The following FRMD6 variants were observed in gnomAD, a reference collection of about 807,000 sequenced individuals.
The protein encoded by FRMD6 is FERM domain-containing protein 6.
FRMD6 carries 37 observed loss-of-function variants against 73.2 expected under a neutral mutation model. That is an observed-to-expected ratio of 0.51 (90% CI 0.39 to 0.66). The LOEUF (loss-of-function observed/expected upper bound fraction) is 0.66, where lower values mean the gene tolerates loss of function less well. Ranked by LOEUF, FRMD6 falls within the 30% of genes least tolerant of loss-of-function variation. The probability of loss-of-function intolerance (pLI) is 0.00; values close to 1 mark genes in which losing one functional copy is unlikely to be tolerated. For missense variants in FRMD6, 714 were observed against 780.5 expected, an observed-to-expected ratio of 0.91 and a Z score of 1.02; for synonymous variants, 273 against 282.2, an observed-to-expected ratio of 0.97 and a Z score of 0.33.
At chr14:51,503,589 GC>G (rs1283785505) in intron 1 of FRMD6, among the ~76,000 whole-genome samples, 1 of 152,060 alleles carries the variant, frequency 6.6e-6, no homozygotes, top group African/African-American at 2.4e-5. Context: ...TGGTGGATAA[GC>G]TTTTTAACAT....
intron 4 of FRMD6, among the ~76,000 whole-genome samples, 156 bp from the exon 5 acceptor site, chr14:51,702,356 C>T (rs1197093381): frequency 2.0e-5 from 3 of 152,010 alleles, no homozygotes; most frequent in Non-Finnish European, 4.4e-5. Flanking sequence ...TATAGGACAA[C>T]TGTCTACCTA....
rs72675819 is a variant in FRMD6 at position 51,668,640 on chromosome 14, G to A, written c.-147+16644G>A. Among the ~76,000 whole-genome samples, 995 of 150,538 alleles carry A rather than the reference G, an allele frequency of 6.6e-3. 5 individuals are homozygous for A. The highest frequency in any genetic ancestry group is 9.6e-3 in the Non-Finnish European group (652 of 67,614). The stretch of plus-strand genomic sequence containing the variant: ...GTAATCTTAAAATTAGAATGCAGGA[G>A]GCTGTGAAGCTCGAATGAAATAATG... On this transcript the variant is annotated intron_variant, in intron 1 of 13. Coordinates refer to ENST00000344768, the MANE Select transcript of FRMD6 (RefSeq NM_001267046.2).
the FRMD6 span, among the ~76,000 whole-genome samples, chr14:51,471,586 A>T: frequency 1.3e-5 from 2 of 152,182 alleles, no homozygotes; most frequent in Admixed American, 1.3e-4. Flanking sequence ...TTAAAGAAAC[A>T]TTCGGCATTC....
chr14:51,540,197 C>T (rs1355759111), intron 1 of FRMD6, among the ~76,000 whole-genome samples: 2 of 151,918 alleles, frequency 1.3e-5, no homozygotes, highest in African/African-American at 4.8e-5. Flanking sequence ...AGCTCAGGGG[C>T]CAAAAAAATG....
At chr14:51,628,999 C>T (rs1891234468) in intron 2 of FRMD6, among the ~76,000 whole-genome samples, 2 of 150,568 alleles carry the variant, frequency 1.3e-5, no homozygotes, top group Non-Finnish European at 3.0e-5. Context: ...GCCTCAGCCT[C>T]CCGAGTAGCT....
chr14:51,556,166 A>T (rs998467686), intron 1 of FRMD6, among the ~76,000 whole-genome samples: 15 of 152,338 alleles, frequency 9.8e-5, no homozygotes, highest in African/African-American at 3.6e-4. Context: ...GACTTAACTG[A>T]AGGCTTAGAC....
chr14:51,486,643 T>C (rs1475468625), upstream of FRMD6, among the ~76,000 whole-genome samples: 4 of 152,212 alleles, frequency 2.6e-5, no homozygotes, highest in African/African-American at 9.7e-5. Context: ...GCTAATCTCT[T>C]TCCTGGTCAG....
At chr14:51,419,909 T>C in the FRMD6 span, among the ~76,000 whole-genome samples, 503 of 149,336 alleles carry the variant, frequency 3.4e-3, 2 homozygotes, top group East Asian at 7.7e-3. Flanking sequence ...CCTGCCCTTG[T>C]TAGGTGTGGT....
chr14:51,605,050 G>T (rs1331361469), intron 2 of FRMD6, among the ~76,000 whole-genome samples: 1 of 151,454 alleles, frequency 6.6e-6, no homozygotes, highest in Non-Finnish European at 1.5e-5. Context: ...GCTTTGTGAA[G>T]TTCCCTGTAT....
the FRMD6 span, among the ~76,000 whole-genome samples, chr14:51,401,024 C>A: frequency 6.6e-6 from 1 of 152,206 alleles, no homozygotes; most frequent in African/African-American, 2.4e-5. Context: ...AAATTATATA[C>A]ATTTTGAAGA....
At chr14:51,705,813 C>G (rs1896592878) in intron 6 of FRMD6, among the ~76,000 whole-genome samples, 1 of 152,108 alleles carries the variant, frequency 6.6e-6, no homozygotes, top group African/African-American at 2.4e-5. Context: ...TAAATATGCA[C>G]TACTTTTGCT....
chr14:51,675,536 C>CT (rs1384165889), intron 1 of FRMD6, among the ~76,000 whole-genome samples: 1 of 152,068 alleles, frequency 6.6e-6, no homozygotes, highest in Non-Finnish European at 1.5e-5. Context: ...CTCTTAAGGG[C>CT]TTTTAAAACT....
chr14:51,470,092 T>A, the FRMD6 span, among the ~76,000 whole-genome samples: 2 of 152,230 alleles, frequency 1.3e-5, no homozygotes, highest in African/African-American at 4.8e-5. Context: ...TTCATTTTTT[T>A]AAAATTTAAA....
At chr14:51,726,930 A>G (rs1897990467) in intron 13 of FRMD6, among the ~76,000 whole-genome samples, 2 of 152,332 alleles carry the variant, frequency 1.3e-5, no homozygotes, top group Middle Eastern at 6.8e-3. Context: ...TTAAAGATAT[A>G]ATACCTGGTT....
At chr14:51,655,531 T>C (rs1490329881) in intron 1 of FRMD6, among the ~76,000 whole-genome samples, 1 of 152,140 alleles carries the variant, frequency 6.6e-6, no homozygotes, top group East Asian at 1.9e-4. Flanking sequence ...AATTGCACAT[T>C]ATCCTGAGGA....
chr14:51,684,853 G>A (rs1276079712), intron 1 of FRMD6, among the ~76,000 whole-genome samples: 1 of 152,202 alleles, frequency 6.6e-6, no homozygotes, highest in Admixed American at 6.5e-5. Context: ...CCTGTCATTG[G>A]AGATTAAGCA....
chr14:51,628,084 A>G (rs1387085786), intron 2 of FRMD6, among the ~76,000 whole-genome samples: 1 of 152,240 alleles, frequency 6.6e-6, no homozygotes, highest in African/African-American at 2.4e-5. Context: ...TGTTCAGTAT[A>G]GATGCAATTT....
intron 13 of FRMD6, among the ~76,000 whole-genome samples, chr14:51,727,317 A>AAC (rs2140724023): frequency 6.6e-6 from 1 of 152,196 alleles, no homozygotes; most frequent in South Asian, 2.1e-4. Flanking sequence ...CTGAAAAAAA[A>AAC]AAAGGAAGCC....
At chr14:51,495,358 G>A (rs942996556) in intron 1 of FRMD6, among the ~76,000 whole-genome samples, 21 of 151,784 alleles carry the variant, frequency 1.4e-4, no homozygotes, top group Middle Eastern at 3.2e-3. Flanking sequence ...TTTTCTTTCC[G>A]AGTCCTCACC....
Sources: gnomAD v4.1 joint callset for allele counts (sites outside exome capture counted in the v4.1 genomes callset) on GRCh38, gnomAD v4.1.1 for gene constraint, MANE v1.5 for transcripts, NCBI Gene and HGNC (gene_info 2026-07-23, HGNC 2026-07-21) for gene names.